The following MYT1L variants were observed in gnomAD, a reference collection of about 807,000 sequenced individuals.
MYT1L encodes myelin transcription factor 1-like protein.
MYT1L carries 12 observed loss-of-function variants against 126.7 expected under a neutral mutation model. The observed-to-expected ratio is 0.09, with a 90% CI of 0.06 to 0.15. The LOEUF (loss-of-function observed/expected upper bound fraction) is 0.15, where lower values mean the gene tolerates loss of function less well. Among genes scored for constraint, MYT1L ranks in the 10% least tolerant of loss-of-function variants. The pLI is 1.00. For missense variants in MYT1L, 979 were observed against 1,585.2 expected, an observed-to-expected ratio of 0.62 and a Z score of 6.49; for synonymous variants, 541 against 604.2, an observed-to-expected ratio of 0.90 and a Z score of 1.53.
chr2:2,161,161 C>T (rs954638312), intron 3 of MYT1L, among the ~76,000 whole-genome samples: 3 of 152,050 alleles, frequency 2.0e-5, no homozygotes, highest in Admixed American at 6.6e-5. Flanking sequence ...TGCAGTGAGC[C>T]GAGATTGCAC....
At chr2:1,940,817 T>C (rs1190736132) in intron 9 of MYT1L, among the ~76,000 whole-genome samples, 2 of 152,260 alleles carry the variant, frequency 1.3e-5, no homozygotes, top group African/African-American at 4.8e-5. Flanking sequence ...CAGCACCTCC[T>C]GTCTTCCGTG....
intron 4 of MYT1L, among the ~76,000 whole-genome samples, chr2:2,017,724 C>T (rs1320656975): frequency 1.3e-5 from 2 of 151,812 alleles, no homozygotes; most frequent in East Asian, 3.9e-4. Flanking sequence ...AACCATCCAT[C>T]CCTCCATCCA....
rs1469777835 is a variant in MYT1L at position 1,789,611 on chromosome 2, C to A, written c.*2256G>T. On this transcript the variant is annotated 3_prime_UTR_variant, in exon 25 of 25. Transcript: ENST00000647738. ...AATAAGAATCCAAAACTGATACTAT[C>A]TAGTACTCTACTAAAAGCATTACTA... The A allele has an allele frequency of 6.6e-6, 1 of 152,182 alleles. No individual in the cohort carries two copies. The highest frequency in any genetic ancestry group is 1.5e-5 in the Non-Finnish European group (1 of 68,048). 9.4% of individuals were successfully genotyped at this position (152,182 alleles called of 1,614,324 possible).
At chr2:1,926,892 G>C (rs1445798745) in intron 9 of MYT1L, among the ~76,000 whole-genome samples, 1 of 152,236 alleles carries the variant, frequency 6.6e-6, no homozygotes, top group Non-Finnish European at 1.5e-5. Flanking sequence ...TAGGGAGAAT[G>C]TATGTGTGAT....
At chr2:1,915,021 C>T (rs1277786263) in intron 11 of MYT1L, among the ~76,000 whole-genome samples, 1 of 152,044 alleles carries the variant, frequency 6.6e-6, no homozygotes, top group African/African-American at 2.4e-5. Flanking sequence ...CCGTGCAGAG[C>T]CCCGGCCTCG....
chr2:2,204,645 C>T (rs972312760), intron 2 of MYT1L, among the ~76,000 whole-genome samples: 2 of 150,122 alleles, frequency 1.3e-5, no homozygotes, highest in Non-Finnish European at 3.0e-5. Flanking sequence ...GAAATAGGAA[C>T]ACTTTTACAC....
rs2041553480 is a variant in MYT1L, at chr2:1,840,760, C to T, written c.2858G>A (p.Arg953Lys). The T allele has an allele frequency of 6.5e-7, 1 of 1,550,172 alleles. No individual in the cohort carries two copies. Among genetic ancestry groups the T allele is most frequent in the South Asian group, 1.2e-5 (1 of 83,994 alleles). Residue 953 changes from arginine (R) to lysine (K), a missense_variant and splice_region_variant, in exon 20 of 25, where the codon AGG becomes AAG. Around this residue, in one of 12 missense-constraint regions of MYT1L, gnomAD observed 179 missense variants for 398.6 expected, o/e 0.45. Coordinates refer to ENST00000647738, the MANE Select transcript of MYT1L (RefSeq NM_001303052.2). Reference sequence around the variant, plus strand: ...TTCTCAGCCCCACTGGTGCTCATACCTGATGGGTTCTTGATCTTCTTTATC... The same window carrying T: ...TTCTCAGCCCCACTGGTGCTCATACTTGATGGGTTCTTGATCTTCTTTATC... ...KEDKEDQEPIRCPVPGCDGQG... is the reference protein window; with the variant it reads ...KEDKEDQEPIKCPVPGCDGQG...
chr2:1,832,389 G>A (rs1018601000), intron 21 of MYT1L, among the ~76,000 whole-genome samples: 7 of 152,160 alleles, frequency 4.6e-5, no homozygotes, highest in Admixed American at 2.0e-4. Flanking sequence ...CTGTTGTGAC[G>A]GCTGAGCAGA....
At chr2:1,902,828 G>A (rs746297491) in intron 14 of MYT1L, 6 of 493,610 alleles carry the variant, frequency 1.2e-5, no homozygotes, top group Admixed American at 6.7e-5. Context: ...CACATTCCAC[G>A]AGCAGCCGAG....
At chr2:2,215,438 AC>A (rs1240316692) in intron 2 of MYT1L, among the ~76,000 whole-genome samples, 1 of 152,232 alleles carries the variant, frequency 6.6e-6, no homozygotes, top group Non-Finnish European at 1.5e-5. Context: ...AAAGCATACT[AC>A]CAGGGTAAAG....
rs143871263 is a variant in MYT1L, at chr2:1,939,764, G to C, written c.505+3218C>G. Reference sequence around the variant, plus strand: ...TGCTTGGAGATTTCTGACCCTGATGGGGTATAAGAGACTAGAAGATATTCC... The same window carrying C: ...TGCTTGGAGATTTCTGACCCTGATGCGGTATAAGAGACTAGAAGATATTCC... On this transcript the variant is annotated intron_variant, in intron 9 of 24. Coordinates refer to ENST00000647738, the MANE Select transcript of MYT1L (RefSeq NM_001303052.2). 5.3e-5 allele frequency among the ~76,000 whole-genome samples: 8 copies of C among 152,288 alleles called. No homozygotes were observed. In the East Asian group the frequency reaches 7.7e-4, roughly 15 times the overall value.
intron 8 of MYT1L, among the ~76,000 whole-genome samples, chr2:1,963,454 G>T (rs982344456): frequency 6.6e-6 from 1 of 152,228 alleles, no homozygotes; most frequent in Non-Finnish European, 1.5e-5. Flanking sequence ...CTCAGAACAA[G>T]AGAGACAGCC....
intron 18 of MYT1L, among the ~76,000 whole-genome samples, chr2:1,862,518 C>A (rs1389254011): frequency 6.6e-6 from 1 of 152,170 alleles, no homozygotes; most frequent in Non-Finnish European, 1.5e-5. Flanking sequence ...AGGGCTCATT[C>A]GTTCCTCTTT....
chr2:1,958,356 G>T (rs893419184), intron 8 of MYT1L, among the ~76,000 whole-genome samples: 1 of 152,032 alleles, frequency 6.6e-6, no homozygotes, highest in Non-Finnish European at 1.5e-5. Flanking sequence ...ACTGCAGATG[G>T]AAACCAGGGA....
chr2:1,876,649 A>G (rs2046953215), intron 18 of MYT1L, among the ~76,000 whole-genome samples: 1 of 152,090 alleles, frequency 6.6e-6, no homozygotes, highest in South Asian at 2.1e-4. Context: ...TTGAAACCTC[A>G]GCACCTGCTG....
intron 3 of MYT1L, among the ~76,000 whole-genome samples, chr2:2,124,651 T>C (rs1028371409): frequency 1.3e-5 from 2 of 152,258 alleles, no homozygotes; most frequent in Admixed American, 6.5e-5. Context: ...GATTATCTGC[T>C]ATATCTCATT....
intron 2 of MYT1L, among the ~76,000 whole-genome samples, chr2:2,210,543 A>G (rs1304569024): frequency 6.6e-6 from 1 of 152,134 alleles, no homozygotes; most frequent in African/African-American, 2.4e-5. Context: ...CTGTAGGTAT[A>G]AGGATTTGCT....
intron 3 of MYT1L, among the ~76,000 whole-genome samples, chr2:2,150,050 C>T (rs1415391623): frequency 6.6e-6 from 1 of 152,174 alleles, no homozygotes; most frequent in Non-Finnish European, 1.5e-5. Flanking sequence ...TCGCCTCTCT[C>T]TTTGGGCTCT....
chr2:2,017,371 A>C (rs1282474626), intron 4 of MYT1L, among the ~76,000 whole-genome samples: 1 of 152,250 alleles, frequency 6.6e-6, no homozygotes, highest in East Asian at 1.9e-4. Flanking sequence ...TAACAAGTCC[A>C]TGTCCCAGTA....
Sources: allele counts gnomAD v4.1 joint callset (sites outside exome capture counted in the v4.1 genomes callset), GRCh38; gene constraint gnomAD v4.1.1; regional missense constraint gnomAD v4.1.1; transcripts MANE v1.5; gene names NCBI Gene and HGNC (gene_info 2026-07-23, HGNC 2026-07-21).